The following ZCCHC14 variants were observed in gnomAD, a reference collection of about 807,000 sequenced individuals.
ZCCHC14 encodes zinc finger CCHC domain-containing protein 14.
A neutral mutation model predicts 85.0 loss-of-function variants in ZCCHC14; 16 were observed. The observed-to-expected ratio is 0.19, with a 90% CI of 0.13 to 0.29. ZCCHC14 has a LOEUF of 0.29. Ranked by LOEUF, ZCCHC14 falls within the 10% of genes least tolerant of loss-of-function variation. The pLI, the probability that ZCCHC14 is intolerant of heterozygous loss-of-function variation, is 1.00. For synonymous variants in ZCCHC14, 775 were observed against 630.7 expected (o/e 1.23, Z -3.43); for missense variants, 1,303 against 1,443.5 (o/e 0.90, Z 1.58).
In ZCCHC14 at chr16:87,491,354, C is replaced by T. The variant is rs886412471; in HGVS notation, c.570+315G>A. Among the ~76,000 whole-genome samples, 1 of 151,986 alleles carries T rather than the reference C, an allele frequency of 6.6e-6. No individual in the cohort carries two copies. The highest frequency in any genetic ancestry group is 2.4e-5 in the African/African-American group (1 of 41,372). On this transcript the variant is annotated intron_variant, in intron 1 of 12. Transcript: ENST00000671377. The surrounding 1 kb of genome is among the most constrained non-coding windows in gnomAD (Gnocchi z 5.9). The stretch of plus-strand genomic sequence containing the variant: ...GCGGTCTTGGGGCTTAAAGTGCAGA[C>T]TTAGGGTGAGGAGTGCGGGCTTAGG...
chr16:87,412,673 C>G lies in ZCCHC14; in HGVS notation c.2048G>C (p.Arg683Thr). The G allele has an allele frequency of 6.2e-7, 1 of 1,614,258 alleles. No homozygotes were observed. The part of the protein sequence containing the change: ...LEERNKGSGP[R>T]SSMKVDKSFG... Reference sequence around the variant, plus strand: ...GCTCTTGTCCACTTTCATGCTGCTTCTTGGTCCAGATCCTTTATTCCTTTC... The same window carrying G: ...GCTCTTGTCCACTTTCATGCTGCTTGTTGGTCCAGATCCTTTATTCCTTTC... The change falls in exon 12 of 13, where the codon AGA (arginine) becomes ACA (threonine). Residue 683 changes from arginine (R) to threonine (T), a missense_variant. By Grantham distance (71) the Arg-to-Thr change is moderately conservative. Transcript: ENST00000671377.
At chr16:87,486,676 TAAAAA>T (rs1277310016) in intron 1 of ZCCHC14, among the ~76,000 whole-genome samples, 14 of 151,940 alleles carry the variant, frequency 9.2e-5, no homozygotes, top group African/African-American at 3.1e-4. Flanking sequence ...AAAATAAAAA[TAAAAA>T]AAGATCCACT....
At chr16:87,490,306 C>T (rs1159614031) in intron 1 of ZCCHC14, among the ~76,000 whole-genome samples, 5 of 152,206 alleles carry the variant, frequency 3.3e-5, no homozygotes, top group Admixed American at 2.6e-4. Flanking sequence ...AAAGCAAAGT[C>T]TTATCAAAGT....
intron 1 of ZCCHC14, among the ~76,000 whole-genome samples, chr16:87,487,864 G>A (rs1359590462): frequency 9.9e-5 from 15 of 152,060 alleles, no homozygotes; most frequent in East Asian, 9.7e-4. Flanking sequence ...TCACGACACC[G>A]AGTGAAGGAA....
intron 1 of ZCCHC14, among the ~76,000 whole-genome samples, chr16:87,469,253 G>A (rs115521653): frequency 1.4e-3 from 212 of 152,304 alleles, no homozygotes; most frequent in African/African-American, 4.7e-3. Context: ...TATCCATTAT[G>A]CAGCCATATG....
At chr16:87,477,477 G>C (rs1288730294) in intron 1 of ZCCHC14, among the ~76,000 whole-genome samples, 6 of 152,206 alleles carry the variant, frequency 3.9e-5, no homozygotes, top group Non-Finnish European at 7.3e-5. Context: ...CAGCCGCAGA[G>C]TCTGGGGCTC....
At chr16:87,464,798 G>A (rs1911443513) in intron 1 of ZCCHC14, among the ~76,000 whole-genome samples, 1 of 152,098 alleles carries the variant, frequency 6.6e-6, no homozygotes. Context: ...ATGCTGTTTT[G>A]GGGTTATTTT....
At chr16:87,482,059 T>C (rs1035409459) in intron 1 of ZCCHC14, among the ~76,000 whole-genome samples, 1 of 152,172 alleles carries the variant, frequency 6.6e-6, no homozygotes, top group Non-Finnish European at 1.5e-5. Context: ...CTCATTGTAA[T>C]GGCAGTGGCA....
chr16:87,434,380 C>A (rs1017565051), intron 2 of ZCCHC14, among the ~76,000 whole-genome samples: 1 of 152,120 alleles, frequency 6.6e-6, no homozygotes. Context: ...ACTTCCCAGG[C>A]GCCAGGAGCC....
chr16:87,437,729 T>C lies in ZCCHC14; in HGVS notation c.695-4528A>G, dbSNP rs1043021191. On this transcript the variant is annotated intron_variant, in intron 2 of 12. Transcript: ENST00000671377. ...TCATTCCAGGTACACAACAGGCATTTTCCTCAAGTCTTACAAGTTAGATCA... is the reference window on the plus strand; with the variant it reads ...TCATTCCAGGTACACAACAGGCATTCTCCTCAAGTCTTACAAGTTAGATCA... 4.6e-5 allele frequency among the ~76,000 whole-genome samples: 7 copies of C among 152,256 alleles called. No homozygotes were observed. In the South Asian group the frequency reaches 1.4e-3, roughly 31 times the overall value.
intron 1 of ZCCHC14, among the ~76,000 whole-genome samples, chr16:87,461,765 T>C (rs971548350): frequency 6.6e-6 from 1 of 152,170 alleles, no homozygotes; most frequent in Admixed American, 6.5e-5. Context: ...ACCTGCTGTA[T>C]TCCACAGACA....
rs187632957 is a variant in ZCCHC14 at position 87,459,892 on chromosome 16, A to C, written c.694+116T>G. The C allele has an allele frequency of 3.1e-5, 46 of 1,475,956 alleles. 1 individual carries two copies. The African/African-American group carries it at 5.5e-4, about 18-fold the overall frequency. 91.4% of individuals were successfully genotyped at this position (1,475,956 alleles called of 1,614,324 possible). On this transcript the variant is annotated intron_variant, in intron 2 of 12. Coordinates refer to ENST00000671377, the MANE Select transcript of ZCCHC14 (RefSeq NM_015144.3). ...GCTTATAGAATTTAGAAAAATACAC[A>C]TAAGATTGGCATTTATGAAAGATCT...
chr16:87,453,435 G>T (rs1377908218), intron 2 of ZCCHC14, among the ~76,000 whole-genome samples: 1 of 152,250 alleles, frequency 6.6e-6, no homozygotes, highest in African/African-American at 2.4e-5. Context: ...CCGAGGGCGG[G>T]CCCTGTCAGT....
intron 2 of ZCCHC14, among the ~76,000 whole-genome samples, chr16:87,451,299 C>T (rs1009734817): frequency 2.6e-5 from 4 of 151,556 alleles, no homozygotes; most frequent in Non-Finnish European, 5.9e-5. Context: ...CGGGTTCAAG[C>T]AACTCTCCTG....
At chr16:87,453,239 G>T (rs922561092) in intron 2 of ZCCHC14, among the ~76,000 whole-genome samples, 5 of 152,184 alleles carry the variant, frequency 3.3e-5, no homozygotes, top group African/African-American at 9.6e-5. Flanking sequence ...TGGGCCCGCT[G>T]GGCCACAGTC....
At chr16:87,460,348 G>C (rs184152201) in intron 1 of ZCCHC14, among the ~76,000 whole-genome samples, 3 of 152,056 alleles carry the variant, frequency 2.0e-5, no homozygotes, top group Non-Finnish European at 2.9e-5. Context: ...AGTCAAACAC[G>C]GGCGCTTACG....
chr16:87,444,377 A>G (rs550602132), intron 2 of ZCCHC14, among the ~76,000 whole-genome samples: 1 of 152,254 alleles, frequency 6.6e-6, no homozygotes, highest in Non-Finnish European at 1.5e-5. Flanking sequence ...CTTCAACATC[A>G]GAGTAACGAC....
In ZCCHC14 at chr16:87,409,196, G is replaced by GT. The variant is rs1203293080; in HGVS notation, c.*1083dup. 1 of 152,208 alleles carries GT rather than the reference G, an allele frequency of 6.6e-6. No homozygotes were observed. Among genetic ancestry groups the GT allele is most frequent in the African/African-American group, 2.4e-5 (1 of 41,454 alleles). 9.4% of individuals were successfully genotyped at this position (152,208 alleles called of 1,614,324 possible). A position where few individuals can be genotyped will look rare whatever the true frequency, so the allele number is the denominator to read the frequency against. On this transcript the variant is annotated 3_prime_UTR_variant, in exon 13 of 13. Transcript: ENST00000671377. ...CAATACACAGCCTAATACAAAAGAA[G>GT]TTGACAGGAGAAAATTCCCAATCTT...
At chr16:87,466,656 C>T (rs1307586752) in intron 1 of ZCCHC14, among the ~76,000 whole-genome samples, 3 of 152,208 alleles carry the variant, frequency 2.0e-5, no homozygotes, top group Non-Finnish European at 4.4e-5. Flanking sequence ...CACAGGAGCG[C>T]TGAGCATGAA....
Sources: gnomAD v4.1 joint callset for allele counts (sites outside exome capture counted in the v4.1 genomes callset) on GRCh38, gnomAD v4.1.1 for gene constraint, Gnocchi (gnomAD v3.1) non-coding constraint, MANE v1.5 for transcripts, NCBI Gene and HGNC (gene_info 2026-07-23, HGNC 2026-07-21) for gene names.